The following UBE3D variants were observed in gnomAD, a reference collection of about 807,000 sequenced individuals.
The protein encoded by UBE3D is ubiquitin protein ligase E3D, also known as E3 ubiquitin-protein ligase E3D.
In UBE3D, 48 loss-of-function variants were observed where a neutral mutation model predicts 49.6. The observed-to-expected ratio is 0.97, with a 90% CI of 0.77 to 1.23. The LOEUF (loss-of-function observed/expected upper bound fraction) is 1.23, where lower values mean the gene tolerates loss of function less well. Ranked by LOEUF, UBE3D falls within the 50% of genes most tolerant of loss-of-function variation. The pLI is 0.00. For synonymous variants in UBE3D, 189 were observed against 174.2 expected, an observed-to-expected ratio of 1.08 and a Z score of -0.67; for missense variants, 452 against 468.4, an observed-to-expected ratio of 0.96 and a Z score of 0.32.
the UBE3D span, among the ~76,000 whole-genome samples, chr6:82,884,084 C>G: frequency 6.6e-6 from 1 of 152,160 alleles, no homozygotes; most frequent in South Asian, 2.1e-4. Context: ...ATGATAATTT[C>G]AAATTTTAAA....
At chr6:82,972,343 T>G (rs1777414269) in intron 8 of UBE3D, among the ~76,000 whole-genome samples, 1 of 152,208 alleles carries the variant, frequency 6.6e-6, no homozygotes, top group East Asian at 1.9e-4. Flanking sequence ...GTGACTGAAT[T>G]TCATAACCCT....
rs915882443 is a variant in UBE3D, at chr6:82,896,043, C to T, written c.1150-3001G>A. 5.9e-5 allele frequency among the ~76,000 whole-genome samples: 9 copies of T among 152,084 alleles called. No individual in the cohort carries two copies. The South Asian group carries it at 6.2e-4, about 11-fold the overall frequency. ...ATCTGGTTTTTATAGTTTCATTTGC[C>T]GAGCACATTATGTATTTTTAAAGAC... On this transcript the variant is annotated intron_variant, in intron 9 of 9. Coordinates refer to ENST00000369747, the MANE Select transcript of UBE3D (RefSeq NM_198920.3).
At chr6:82,993,499 C>G (rs963285358) in intron 8 of UBE3D, among the ~76,000 whole-genome samples, 5 of 152,176 alleles carry the variant, frequency 3.3e-5, no homozygotes, top group African/African-American at 1.2e-4. Context: ...TGCAAATCCT[C>G]CTGTATACTT....
intron 9 of UBE3D, chr6:82,938,376 T>C (rs531096075): frequency 8.5e-5 from 13 of 152,246 alleles, no homozygotes; most frequent in African/African-American, 2.9e-4. Flanking sequence ...CTACAGAGGC[T>C]GCACATCCCT....
At chr6:83,055,211 AT>A in intron 2 of UBE3D, among the ~76,000 whole-genome samples, 1 of 152,328 alleles carries the variant, frequency 6.6e-6, no homozygotes, top group East Asian at 1.9e-4. Context: ...AGTTTCTATT[AT>A]TTCTTTTATG....
chr6:83,018,317 C>T (rs974900737), intron 8 of UBE3D: 3 of 152,146 alleles, frequency 2.0e-5, no homozygotes, highest in African/African-American at 7.2e-5. Flanking sequence ...CTTCAAGTTA[C>T]CTGCTTAAAT....
intron 9 of UBE3D, 133 bp downstream of exon 9, chr6:82,957,179 T>C: frequency 3.4e-6 from 3 of 880,542 alleles, no homozygotes; most frequent in East Asian, 5.3e-5. Context: ...GACAAAGCAA[T>C]ACATGCATTA....
chr6:82,937,587 GA>G (rs1015904056), intron 9 of UBE3D, among the ~76,000 whole-genome samples: 4 of 152,082 alleles, frequency 2.6e-5, no homozygotes, highest in Admixed American at 6.6e-5. Flanking sequence ...TCACATTTTA[GA>G]AATCTTTCTT....
intron 8 of UBE3D, among the ~76,000 whole-genome samples, chr6:82,975,348 G>A (rs12194841): frequency 0.17 from 25,110 of 151,894 alleles, 2,149 homozygotes; most frequent in African/African-American, 0.2. Context: ...AATAAAGAAC[G>A]GCACGTATAA....
chr6:83,053,921 TC>T (rs1027861417), intron 3 of UBE3D, among the ~76,000 whole-genome samples: 6 of 152,180 alleles, frequency 3.9e-5, no homozygotes, highest in Non-Finnish European at 8.8e-5. Context: ...AGATAAGCAC[TC>T]CTCTCTCAAA....
chr6:83,003,124 T>C (rs1450917783), intron 8 of UBE3D, among the ~76,000 whole-genome samples: 4 of 152,188 alleles, frequency 2.6e-5, no homozygotes, highest in African/African-American at 9.6e-5. Flanking sequence ...ACCTTTCTCA[T>C]ATGAAAGGTT....
intron 8 of UBE3D, among the ~76,000 whole-genome samples, chr6:82,998,289 A>G (rs1191087241): frequency 6.6e-6 from 1 of 152,226 alleles, no homozygotes; most frequent in Non-Finnish European, 1.5e-5. Flanking sequence ...AATGAAAGAA[A>G]CTGACTTCTT....
At chr6:82,965,150 C>T (rs551828745) in intron 8 of UBE3D, among the ~76,000 whole-genome samples, 3 of 152,272 alleles carry the variant, frequency 2.0e-5, no homozygotes, top group Admixed American at 1.3e-4. Flanking sequence ...AAATGGTTCT[C>T]ATTTAAATAA....
intron 9 of UBE3D, among the ~76,000 whole-genome samples, chr6:82,914,391 A>G (rs764594078): frequency 3.3e-5 from 5 of 152,100 alleles, no homozygotes; most frequent in Non-Finnish European, 5.9e-5. Flanking sequence ...AGTGAGCAAA[A>G]CCAAGTGAAA....
chr6:82,979,806 C>T (rs781541785), intron 8 of UBE3D, among the ~76,000 whole-genome samples: 1 of 152,118 alleles, frequency 6.6e-6, no homozygotes, highest in Non-Finnish European at 1.5e-5. Flanking sequence ...CATGTACACA[C>T]ATTATTTAGC....
At chr6:82,962,375 T>C (rs576972135) in intron 8 of UBE3D, among the ~76,000 whole-genome samples, 45 of 152,306 alleles carry the variant, frequency 3.0e-4, no homozygotes, top group African/African-American at 9.6e-4. Flanking sequence ...GGCACCGCCT[T>C]GTCACTCATC....
intron 9 of UBE3D, among the ~76,000 whole-genome samples, chr6:82,923,908 C>CA (rs959040473): frequency 5.3e-5 from 8 of 151,678 alleles, no homozygotes; most frequent in Non-Finnish European, 8.8e-5. Flanking sequence ...TTAAATGCAG[C>CA]AAAAAAACTG....
At chr6:82,965,327 T>C (rs1776834095) in intron 8 of UBE3D, among the ~76,000 whole-genome samples, 1 of 152,172 alleles carries the variant, frequency 6.6e-6, no homozygotes, top group Non-Finnish European at 1.5e-5. Flanking sequence ...CTCACACCTG[T>C]AATCCCAGCA....
At chr6:82,995,099 A>G (rs546051792) in intron 8 of UBE3D, among the ~76,000 whole-genome samples, 12 of 152,294 alleles carry the variant, frequency 7.9e-5, no homozygotes, top group African/African-American at 2.9e-4. Flanking sequence ...ATGAGAAGGA[A>G]AAAGGGAAGA....
Sources: allele counts gnomAD v4.1 joint callset (sites outside exome capture counted in the v4.1 genomes callset), GRCh38; gene constraint gnomAD v4.1.1; transcripts MANE v1.5; gene names NCBI Gene and HGNC (gene_info 2026-07-23, HGNC 2026-07-21).